BICC1: variants seen among roughly 807,000 people sequenced by gnomAD.
The protein encoded by BICC1 is BicC family RNA binding protein 1, also known as protein bicaudal C homolog 1.
Under a neutral mutation model 111.0 loss-of-function variants are expected in BICC1, and 43 were observed. That is an observed-to-expected ratio of 0.39 (90% CI 0.30 to 0.50). The LOEUF is 0.50. BICC1 is among the 20% of genes least tolerant of loss of function. BICC1 has a pLI of 0.88. For synonymous variants in BICC1, 467 were observed against 434.4 expected (o/e 1.07, Z -0.93); for missense variants, 1,091 against 1,203.2 (o/e 0.91, Z 1.38).
At chr10:58,737,835 A>C (rs963847532) in intron 3 of BICC1, among the ~76,000 whole-genome samples, 39 of 152,262 alleles carry the variant, frequency 2.6e-4, no homozygotes, top group African/African-American at 7.7e-4. Flanking sequence ...TCTCTGATGG[A>C]CAGTGATGAT....
chr10:58,756,933 CTT>C (rs1303747316), intron 3 of BICC1, among the ~76,000 whole-genome samples: 4 of 152,130 alleles, frequency 2.6e-5, no homozygotes, highest in African/African-American at 9.7e-5. Context: ...ATATCATAGA[CTT>C]TGATAGTGAA....
At chr10:58,796,319 C>T (rs1843351628) in intron 9 of BICC1, 21 bp from the exon 10 acceptor site, 1 of 1,602,010 alleles carries the variant, frequency 6.2e-7, no homozygotes, top group Non-Finnish European at 8.5e-7. Context: ...ACCTTTTTTC[C>T]CCCATTATGT....
At chr10:58,561,459 A>G (rs142858300) in intron 1 of BICC1, among the ~76,000 whole-genome samples, 2 of 152,066 alleles carry the variant, frequency 1.3e-5, no homozygotes, top group Admixed American at 6.6e-5. Context: ...TGAGTTTCTT[A>G]TATGCATATA....
chr10:58,523,365 T>C (rs1372598457), intron 1 of BICC1, among the ~76,000 whole-genome samples: 2 of 152,136 alleles, frequency 1.3e-5, no homozygotes, highest in Non-Finnish European at 2.9e-5. Context: ...ACGATCAAGT[T>C]GGCTTCATCC....
intron 2 of BICC1, among the ~76,000 whole-genome samples, chr10:58,640,118 T>C (rs939070653): frequency 6.6e-6 from 1 of 152,168 alleles, no homozygotes; most frequent in African/African-American, 2.4e-5. Context: ...CTTTTTTTTC[T>C]GATGGGAGTA....
chr10:58,563,794 T>G (rs1843677593), intron 1 of BICC1, among the ~76,000 whole-genome samples: 1 of 152,246 alleles, frequency 6.6e-6, no homozygotes, highest in African/African-American at 2.4e-5. Context: ...TGCAATTTTA[T>G]AAGTGATAAA....
chr10:58,634,244 G>A (rs933022979), intron 2 of BICC1, among the ~76,000 whole-genome samples: 1 of 151,840 alleles, frequency 6.6e-6, no homozygotes, highest in Non-Finnish European at 1.5e-5. Flanking sequence ...CCACCGCCTC[G>A]GCCTGCCAAA....
intron 1 of BICC1, among the ~76,000 whole-genome samples, chr10:58,579,999 A>G (rs1196028558): frequency 1.3e-5 from 2 of 150,384 alleles, no homozygotes; most frequent in Non-Finnish European, 3.0e-5. Context: ...GTTTAAGAAC[A>G]CTTAACAAGA....
intron 1 of BICC1, among the ~76,000 whole-genome samples, chr10:58,569,533 C>T (rs552834313): frequency 8.5e-5 from 13 of 152,202 alleles, no homozygotes; most frequent in African/African-American, 2.9e-4. Flanking sequence ...TAATGCTATC[C>T]CTCCCCTAGG....
At chr10:58,643,491 G>A (rs993684478) in intron 2 of BICC1, among the ~76,000 whole-genome samples, 1 of 152,222 alleles carries the variant, frequency 6.6e-6, no homozygotes, top group Admixed American at 6.5e-5. Flanking sequence ...TAGGTTGAAT[G>A]ATAGAATTCT....
intron 3 of BICC1, among the ~76,000 whole-genome samples, chr10:58,732,271 A>G (rs1841323975): frequency 6.7e-6 from 1 of 148,980 alleles, no homozygotes; most frequent in Non-Finnish European, 1.5e-5. Context: ...GGGGAGAGAG[A>G]GAGAGAGAGA....
chr10:58,736,842 G>A (rs1841482568), intron 3 of BICC1, among the ~76,000 whole-genome samples: 2 of 152,044 alleles, frequency 1.3e-5, no homozygotes, highest in African/African-American at 2.4e-5. Context: ...AGTGCTAGGG[G>A]AATCTAAATC....
intron 1 of BICC1, among the ~76,000 whole-genome samples, chr10:58,580,890 C>T (rs993516110): frequency 6.6e-6 from 1 of 152,050 alleles, no homozygotes; most frequent in Non-Finnish European, 1.5e-5. Flanking sequence ...TTTAAAGTCT[C>T]CTTAGGATGT....
intron 1 of BICC1, among the ~76,000 whole-genome samples, chr10:58,619,734 A>C (rs1331942968): frequency 6.6e-6 from 1 of 152,126 alleles, no homozygotes; most frequent in Non-Finnish European, 1.5e-5. Context: ...CGGCCTCCCA[A>C]GTTTTGAATC....
chr10:58,685,775 G>A (rs1839703028), intron 2 of BICC1, among the ~76,000 whole-genome samples: 1 of 152,100 alleles, frequency 6.6e-6, no homozygotes, highest in African/African-American at 2.4e-5. Flanking sequence ...CACATGAGAT[G>A]GGTCTCCTGA....
At chr10:58,545,129 G>T (rs930039025) in intron 1 of BICC1, among the ~76,000 whole-genome samples, 3 of 151,960 alleles carry the variant, frequency 2.0e-5, no homozygotes, top group African/African-American at 7.3e-5. Context: ...CCTAGTTGGT[G>T]GTACTTCATT....
Position 58,539,965 on chromosome 10 carries a change from G to A in BICC1, c.190+26632G>A, listed in dbSNP as rs370836080. ...ATTGTAATAAAACTAGAAATCAGTA[G>A]CACAAGAAAAACTAGAAAATTCACA... On this transcript the variant is annotated intron_variant, in intron 1 of 20. Transcript: ENST00000373886. 5.9e-5 allele frequency among the ~76,000 whole-genome samples: 9 copies of A among 151,882 alleles called. No individual in the cohort carries two copies. The South Asian group carries it at 1.0e-3, about 17-fold the overall frequency.
At chr10:58,768,173 A>G (rs540627449) in intron 3 of BICC1, among the ~76,000 whole-genome samples, 7 of 152,182 alleles carry the variant, frequency 4.6e-5, no homozygotes, top group Non-Finnish European at 8.8e-5. Flanking sequence ...TCAATGACAG[A>G]GAATTTTGAA....
At chr10:58,626,760 C>T (rs1291173985) in intron 2 of BICC1, among the ~76,000 whole-genome samples, 2 of 152,132 alleles carry the variant, frequency 1.3e-5, no homozygotes, top group Non-Finnish European at 2.9e-5. Context: ...CTGTATTATT[C>T]CTTTTTCTAA....
Sources: gnomAD v4.1 joint callset for allele counts (sites outside exome capture counted in the v4.1 genomes callset) on GRCh38, gnomAD v4.1.1 for gene constraint, MANE v1.5 for transcripts, NCBI Gene and HGNC (gene_info 2026-07-23, HGNC 2026-07-21) for gene names.